The following MEPE variants were observed in gnomAD, a reference collection of about 807,000 sequenced individuals.
MEPE encodes matrix, extracellular phosphoglycoprotein with ASARM motif (bone).
A neutral mutation model predicts 7.3 loss-of-function variants in MEPE; 7 were observed. The observed-to-expected ratio is 0.95, with a 90% CI of 0.54 to 1.79. The LOEUF (loss-of-function observed/expected upper bound fraction) is 1.79. Ranked by LOEUF, MEPE falls within the 40% of genes most tolerant of loss-of-function variation. The probability of loss-of-function intolerance (pLI) is 0.00; values close to 1 mark genes in which losing one functional copy is unlikely to be tolerated. For missense variants in MEPE, 623 were observed against 628.2 expected (o/e 0.99, Z 0.09); for synonymous variants, 214 against 213.1 (o/e 1.00, Z -0.04).
At chr4:87,840,594 A>C (rs1399207799) in intron 3 of MEPE, among the ~76,000 whole-genome samples, 2 of 152,234 alleles carry the variant, frequency 1.3e-5, no homozygotes, top group Non-Finnish European at 2.9e-5. Flanking sequence ...TGGAGAAAAC[A>C]AATTCTTTCT....
At chr4:87,830,420 C>T (rs1722569589), upstream of MEPE, among the ~76,000 whole-genome samples, 1 of 152,254 alleles carries the variant, frequency 6.6e-6, no homozygotes, top group East Asian at 1.9e-4. Context: ...GAGATCATGT[C>T]CTTTGTGGGA....
intron 1 of MEPE, among the ~76,000 whole-genome samples, chr4:87,823,539 A>G (rs1269854710): frequency 6.6e-6 from 1 of 152,236 alleles, no homozygotes; most frequent in Non-Finnish European, 1.5e-5. Flanking sequence ...AAAACAAACA[A>G]TACTTTTGCA....
chr4:87,845,449 A>G lies in MEPE; in HGVS notation c.581A>G (p.Lys194Arg), dbSNP rs770955402. The G allele has an allele frequency of 3.1e-6, 5 of 1,613,986 alleles. No homozygotes were observed. The Admixed American group carries it at 6.7e-5, about 22-fold the overall frequency. Residue 194 changes from lysine to arginine, a missense_variant, in exon 4 of 4, where the codon AAA (lysine) becomes AGA (arginine). Coordinates refer to ENST00000361056, the MANE Select transcript of MEPE (RefSeq NM_020203.6). ...MNYAKAHSKDKKKPQRDSQAQ... is the reference protein window; with the variant it reads ...MNYAKAHSKDRKKPQRDSQAQ... ...TATGCTAAAGCACACTCGAAGGATA[A>G]AAAGAAGCCTCAAAGAGATTCCCAA...
At chr4:87,843,709 T>C (rs1231379992) in intron 3 of MEPE, among the ~76,000 whole-genome samples, 1 of 152,192 alleles carries the variant, frequency 6.6e-6, no homozygotes, top group Non-Finnish European at 1.5e-5. Context: ...CTTAAGGTTA[T>C]CTAATAGCTA....
chr4:87,835,154 T>C (rs1722735528), intron 2 of MEPE, among the ~76,000 whole-genome samples: 1 of 152,244 alleles, frequency 6.6e-6, no homozygotes, highest in Non-Finnish European at 1.5e-5. Context: ...GTTTTAAAGC[T>C]AACCAGCTAG....
In MEPE at chr4:87,845,307, A is replaced by G; in HGVS notation, c.439A>G (p.Ile147Val). 1 of 1,614,046 alleles carries G rather than the reference A, an allele frequency of 6.2e-7. No homozygotes were observed. Among genetic ancestry groups the G allele is most frequent in the East Asian group, 2.2e-5 (1 of 44,872 alleles). The change falls in exon 4 of 4, where the codon ATC becomes GTC. Residue 147 changes from isoleucine (I) to valine (V), a missense_variant. Physicochemically the swap from Ile to Val is conservative, Grantham distance 29. Transcript: ENST00000361056. ...HDQEEYGAAL[I>V]RNNMQHIMGP... is the part of the protein sequence containing the mutation. ...CCAAGAAGAATATGGCGCAGCTCTC[A>G]TCAGAAATAACATGCAACATATAAT...
chr4:87,830,267 A>T (rs1722566732), upstream of MEPE, among the ~76,000 whole-genome samples: 1 of 152,114 alleles, frequency 6.6e-6, no homozygotes, highest in Non-Finnish European at 1.5e-5. Flanking sequence ...TTCCATAAAG[A>T]CACATGCACA....
At chr4:87,826,387 TTTTTG>T (rs1722466813) in intron 1 of MEPE, among the ~76,000 whole-genome samples, 3 of 151,388 alleles carry the variant, frequency 2.0e-5, no homozygotes, top group Non-Finnish European at 4.4e-5. Context: ...ACAGTTTTTT[TTTTTG>T]TTTTTGTTTT....
chr4:87,845,650 C>G lies in MEPE; in HGVS notation c.782C>G (p.Pro261Arg). The change falls in exon 4 of 4, where the codon CCT (proline) becomes CGT (arginine). Residue 261 changes from proline (P) to arginine (R), a missense_variant. Pro to Arg is a moderately radical substitution (Grantham distance 103). Coordinates refer to ENST00000361056, the MANE Select transcript of MEPE (RefSeq NM_020203.6). ...DISPFSGDGQ[P>R]FKDIPGKGEA... ...TCTCCTTTCAGTGGGGACGGCCAACCTTTTAAGGACATTCCTGGTAAAGGA... is the reference window on the plus strand; with the variant it reads ...TCTCCTTTCAGTGGGGACGGCCAACGTTTTAAGGACATTCCTGGTAAAGGA... The G allele has an allele frequency of 3.1e-6, 5 of 1,613,820 alleles. No individual in the cohort carries two copies. Among genetic ancestry groups the G allele is most frequent in the African/African-American group, 1.3e-5 (1 of 74,982 alleles).
Position 87,833,234 on chromosome 4 carries a change from C to CT in MEPE, c.-13+229dup, listed in dbSNP as rs202066459. Among the ~76,000 whole-genome samples the CT allele has an allele frequency of 5.9e-4, 90 of 151,336 alleles. No individual in the cohort carries two copies. In the South Asian group the frequency reaches 0.015, roughly 26 times the overall value. ...ATTGATGATTTGATAGCAACTTTCT[C>CT]TTTTTTTTTGTTATTAGCATTATCA... On this transcript the variant is annotated intron_variant, in intron 1 of 3. Coordinates refer to ENST00000361056, the MANE Select transcript of MEPE (RefSeq NM_020203.6).
chr4:87,838,688 A>G lies in MEPE; in HGVS notation c.108+3A>G. On this transcript the variant is annotated splice_donor_region_variant and intron_variant, in intron 3 of 3. Transcript: ENST00000361056. ...AAAGCTGTGTGGAAGAGCAGAGGGT[A>G]AACAGAATTCATCTTTTCAAATAAC... 6.2e-7 allele frequency: 1 copy of G among 1,612,162 alleles called. No homozygotes were observed.
upstream of MEPE, among the ~76,000 whole-genome samples, chr4:87,828,664 T>A (rs1722529339): frequency 6.6e-6 from 1 of 152,144 alleles, no homozygotes; most frequent in South Asian, 2.1e-4. Context: ...TAGCTAGCAT[T>A]TTATATGATT....
chr4:87,831,378 T>G (rs1722595173), upstream of MEPE, among the ~76,000 whole-genome samples: 2 of 152,178 alleles, frequency 1.3e-5, no homozygotes, highest in Admixed American at 1.3e-4. Context: ...AAAATCAACT[T>G]TACTCTTCCA....
chr4:87,834,929 C>A (rs1001127603), intron 2 of MEPE, among the ~76,000 whole-genome samples, 161 bp downstream of exon 2: 1 of 152,118 alleles, frequency 6.6e-6, no homozygotes, highest in Non-Finnish European at 1.5e-5. Context: ...ACACTCTTAA[C>A]AAAGGAGGTT....
chr4:87,834,993 C>T (rs1411070349), intron 2 of MEPE, among the ~76,000 whole-genome samples: 2 of 152,180 alleles, frequency 1.3e-5, no homozygotes, highest in African/African-American at 4.8e-5. Flanking sequence ...TTTTAAGGAA[C>T]ACCAAAAACA....
At chr4:87,839,820 T>C in intron 3 of MEPE, 2 of 1,545,214 alleles carry the variant, frequency 1.3e-6, no homozygotes, top group Non-Finnish European at 8.8e-7. Context: ...ATGACTAAAC[T>C]CTGGACTAGC....
rs757300640 is a variant in MEPE at position 87,845,039 on chromosome 4, G to C, written c.171G>C (p.Glu57Asp). ...FHHLGKRINQELSSKENIVQE... is the reference protein window; with the variant it reads ...FHHLGKRINQDLSSKENIVQE... ...ATTTGGGCAAGAGAATAAATCAAGA[G>C]CTATCATCTAAAGAAAATATTGTCC... Residue 57 changes from glutamate to aspartate, a missense_variant, in exon 4 of 4, where the codon GAG becomes GAC. Transcript: ENST00000361056. 2 of 1,610,810 alleles carry C rather than the reference G, an allele frequency of 1.2e-6. No homozygotes were observed. The highest frequency in any genetic ancestry group is 1.7e-6 in the Non-Finnish European group (2 of 1,178,980).
upstream of MEPE, among the ~76,000 whole-genome samples, chr4:87,832,693 G>A (rs1184248317): frequency 6.6e-6 from 1 of 152,186 alleles, no homozygotes. Flanking sequence ...TAGGTATTCA[G>A]TCAGTCCTAA....
chr4:87,837,238 C>G (rs1255911427), intron 2 of MEPE, among the ~76,000 whole-genome samples: 2 of 152,088 alleles, frequency 1.3e-5, no homozygotes, highest in Non-Finnish European at 2.9e-5. Context: ...AGGTGCTGCT[C>G]CTAGGCCCCT....
Sources: gnomAD v4.1 joint callset for allele counts (sites outside exome capture counted in the v4.1 genomes callset) on GRCh38, gnomAD v4.1.1 for gene constraint, MANE v1.5 for transcripts, NCBI Gene and HGNC (gene_info 2026-07-23, HGNC 2026-07-21) for gene names.